Variants in PCDHA12 observed in about 807,000 individuals in gnomAD.
PCDHA12 encodes the protein protocadherin alpha 12.
Under a neutral mutation model 60.0 loss-of-function variants are expected in PCDHA12, and 44 were observed. That is an observed-to-expected ratio of 0.73 (90% CI 0.58 to 0.94). The LOEUF is 0.94. Ranked by LOEUF, PCDHA12 falls within the 40% of genes least tolerant of loss-of-function variation. PCDHA12 has a pLI of 0.00. For synonymous variants in PCDHA12, 569 were observed against 553.0 expected (o/e 1.03, Z -0.40); for missense variants, 1,276 against 1,239.7 (o/e 1.03, Z -0.44).
At chr5:140,987,429 G>T (rs1402576200) in intron 3 of PCDHA12, among the ~76,000 whole-genome samples, 2 of 152,096 alleles carry the variant, frequency 1.3e-5, no homozygotes, top group Admixed American at 1.3e-4. Flanking sequence ...GAAGCAGGGG[G>T]CCTTTCCCCA....
intron 1 of PCDHA12, among the ~76,000 whole-genome samples, chr5:140,923,323 C>T (rs1554201408): frequency 6.6e-6 from 1 of 152,092 alleles, no homozygotes; most frequent in Non-Finnish European, 1.5e-5. Context: ...CCTAGAAGTT[C>T]AAGGACAGTT....
intron 1 of PCDHA12, among the ~76,000 whole-genome samples, chr5:140,903,450 T>A (rs2070311741): frequency 2.6e-5 from 4 of 152,202 alleles, no homozygotes; most frequent in Admixed American, 1.3e-4. Flanking sequence ...ATTCATCTGA[T>A]CAAACTTAAA....
At chr5:140,927,891 GA>G (rs1554205193) in intron 1 of PCDHA12, 1 of 1,614,192 alleles carries the variant, frequency 6.2e-7, no homozygotes, top group Admixed American at 1.7e-5. Context: ...TGACTGACGT[GA>G]ACGATCATGC....
At position 140,947,043 on chromosome 5, in the gene PCDHA12, G is replaced by T. The variant is rs188994500; in HGVS notation, c.2368-31906G>T. Among the ~76,000 whole-genome samples the T allele has an allele frequency of 1.7e-3, 259 of 151,702 alleles. 2 individuals carry two copies. Among genetic ancestry groups the T allele is most frequent in the African/African-American group, 5.9e-3 (243 of 41,466 alleles). On this transcript the variant is annotated intron_variant, in intron 1 of 3. Transcript: ENST00000398631. ...AGGTAATGGATATACTAATTACCCT[G>T]ATTTGATCATTACACAGTGTATATA... is the stretch of plus-strand genomic sequence containing the variant.
chr5:140,917,333 G>T (rs1301739777), intron 1 of PCDHA12, among the ~76,000 whole-genome samples: 6 of 148,632 alleles, frequency 4.0e-5, no homozygotes, highest in East Asian at 2.0e-4. Context: ...GCGGGGGAGG[G>T]GGGGGATGGT....
At chr5:141,002,085 A>G (rs959603404) in intron 3 of PCDHA12, among the ~76,000 whole-genome samples, 1 of 152,244 alleles carries the variant, frequency 6.6e-6, no homozygotes, top group African/African-American at 2.4e-5. Context: ...AAGAACGAGC[A>G]GTCCAGGGGC....
chr5:140,930,203 T>C (rs1486886896), intron 1 of PCDHA12: 6 of 152,202 alleles, frequency 3.9e-5, no homozygotes, highest in African/African-American at 1.4e-4. Flanking sequence ...ATGTCAGAAA[T>C]ATTTATGTGT....
intron 1 of PCDHA12, among the ~76,000 whole-genome samples, chr5:140,914,897 TTG>T (rs1415652208): frequency 6.6e-6 from 1 of 151,972 alleles, no homozygotes; most frequent in East Asian, 1.9e-4. Context: ...GCTTTTAACT[TTG>T]TGTTGTTTCT....
chr5:140,952,767 A>T (rs912245909), intron 1 of PCDHA12, among the ~76,000 whole-genome samples: 13 of 152,298 alleles, frequency 8.5e-5, no homozygotes, highest in African/African-American at 2.9e-4. Flanking sequence ...GAGACTGGAT[A>T]ATTTAGAAAG....
rs1336398509 is a variant in PCDHA12 at position 140,898,765 on chromosome 5, G to A, written c.2367+20926G>A. On this transcript the variant is annotated intron_variant, in intron 1 of 3. Transcript: ENST00000398631. ...GCTTGATGGGGATGGCATTGAATCT[G>A]TAAATTACCTTGGGCAGTATGGCCA... 8.0e-3 allele frequency among the ~76,000 whole-genome samples: 1,218 copies of A among 151,752 alleles called. 6 individuals are homozygous for A. The highest frequency in any genetic ancestry group is 0.019 in the African/African-American group (786 of 41,220).
intron 3 of PCDHA12, among the ~76,000 whole-genome samples, chr5:140,996,041 C>T (rs2097709262): frequency 6.6e-6 from 1 of 152,224 alleles, no homozygotes; most frequent in African/African-American, 2.4e-5. Context: ...TAGCACTTAA[C>T]ACAGTGCTTG....
In PCDHA12 at chr5:140,884,521, G is replaced by A. The variant is rs569278761; in HGVS notation, c.2367+6682G>A. On this transcript the variant is annotated intron_variant, in intron 1 of 3. Transcript: ENST00000398631. ...GCGCGGCAGGGAGTTGGTCGTACTCGCAGCAGAGGCGGCCGAGGGTGTGCT... is the reference window on the plus strand; with the variant it reads ...GCGCGGCAGGGAGTTGGTCGTACTCACAGCAGAGGCGGCCGAGGGTGTGCT... 8.1e-6 allele frequency: 13 copies of A among 1,614,196 alleles called. No homozygotes were observed. In the East Asian group the frequency reaches 2.0e-4, roughly 25 times the overall value.
chr5:141,003,411 G>A (rs537266386), intron 3 of PCDHA12, among the ~76,000 whole-genome samples: 4 of 152,092 alleles, frequency 2.6e-5, no homozygotes, highest in Non-Finnish European at 4.4e-5. Context: ...TCCCGGGTTC[G>A]AGTGATTCTT....
intron 3 of PCDHA12, among the ~76,000 whole-genome samples, chr5:140,983,911 G>A (rs546792762): frequency 6.6e-6 from 1 of 152,290 alleles, no homozygotes; most frequent in East Asian, 1.9e-4. Flanking sequence ...ATTCTAATCA[G>A]CCAGGATTTG....
chr5:140,912,241 T>C (rs939016891), intron 1 of PCDHA12, among the ~76,000 whole-genome samples: 1 of 152,164 alleles, frequency 6.6e-6, no homozygotes, highest in African/African-American at 2.4e-5. Flanking sequence ...GACTCAAATG[T>C]TAATCTCCTT....
At chr5:140,986,052 C>A (rs896963006) in intron 3 of PCDHA12, among the ~76,000 whole-genome samples, 3 of 152,066 alleles carry the variant, frequency 2.0e-5, no homozygotes, top group Admixed American at 1.3e-4. Flanking sequence ...CTGATGAATT[C>A]TTTTGCTTTT....
At chr5:140,997,374 A>G (rs1296402204) in intron 3 of PCDHA12, among the ~76,000 whole-genome samples, 1 of 152,212 alleles carries the variant, frequency 6.6e-6, no homozygotes, top group Non-Finnish European at 1.5e-5. Flanking sequence ...TAGATGATAT[A>G]GCATACTACA....
chr5:140,917,449 C>G (rs1290889939), intron 1 of PCDHA12, among the ~76,000 whole-genome samples: 1 of 152,006 alleles, frequency 6.6e-6, no homozygotes, highest in Admixed American at 6.6e-5. Context: ...GCTGCAAGAG[C>G]GTTTGGCATC....
At chr5:140,941,210 T>C (rs199663607) in intron 1 of PCDHA12, among the ~76,000 whole-genome samples, 3,757 of 100,378 alleles carry the variant, frequency 0.037, 93 homozygotes, top group African/African-American at 0.096. Context: ...TTCCTTTCTT[T>C]CTTCCTTTCT....
Sources: gnomAD v4.1 joint callset for allele counts (sites outside exome capture counted in the v4.1 genomes callset) on GRCh38, gnomAD v4.1.1 for gene constraint, MANE v1.5 for transcripts, NCBI Gene and HGNC (gene_info 2026-07-23, HGNC 2026-07-21) for gene names.